Variants in GMCL1 observed in about 807,000 individuals in gnomAD.
The protein encoded by GMCL1 is germ cell-less 1, spermatogenesis associated.
GMCL1 carries 54 observed loss-of-function variants against 75.5 expected under a neutral mutation model. The observed-to-expected ratio is 0.71, with a 90% CI of 0.57 to 0.90. The LOEUF is 0.90. Among genes scored for constraint, GMCL1 ranks in the 40% least tolerant of loss-of-function variants. The pLI, the probability that GMCL1 is intolerant of heterozygous loss-of-function variation, is 0.00. For synonymous variants in GMCL1, 210 were observed against 209.6 expected (o/e 1.00, Z -0.02); for missense variants, 537 against 622.7 (o/e 0.86, Z 1.47).
At chr2:69,833,127 C>A (rs1485405892) in intron 1 of GMCL1, among the ~76,000 whole-genome samples, 2 of 152,060 alleles carry the variant, frequency 1.3e-5, no homozygotes. Context: ...GCCTTTTGGC[C>A]CAGAAGGCTA....
At chr2:69,867,839 T>C (rs1196613160) in intron 11 of GMCL1, among the ~76,000 whole-genome samples, 1 of 152,170 alleles carries the variant, frequency 6.6e-6, no homozygotes, top group African/African-American at 2.4e-5. Context: ...ATTTTCCTAG[T>C]GAATTGATCC....
At chr2:69,853,559 GT>G (rs775507015) in intron 8 of GMCL1, among the ~76,000 whole-genome samples, 1 of 152,118 alleles carries the variant, frequency 6.6e-6, no homozygotes, top group Non-Finnish European at 1.5e-5. Context: ...CAACTGTCAT[GT>G]TTTTCTCCTT....
intron 1 of GMCL1, 109 bp downstream of exon 1, chr2:69,830,261 AG>A: frequency 7.3e-7 from 1 of 1,366,066 alleles, no homozygotes. Context: ...GCCTATGGAG[AG>A]GGGACGTGCC....
At position 69,843,212 on chromosome 2, in the gene GMCL1, G is replaced by A. The variant is rs1379788352; in HGVS notation, c.643G>A (p.Gly215Ser). 1 of 1,611,402 alleles carries A rather than the reference G, an allele frequency of 6.2e-7. No homozygotes were observed. The highest frequency in any genetic ancestry group is 8.5e-7 in the Non-Finnish European group (1 of 1,177,912). Residue 215 changes from glycine to serine, a missense_variant, in exon 5 of 14, where the codon GGC becomes AGC. By Grantham distance (56) the Gly-to-Ser change is moderately conservative (BLOSUM62 0). Transcript: ENST00000282570. ...AACAGTTAATGTGAAAACTGTATGTGGCTATTACACATCAGCAGGGACCTA... is the reference window on the plus strand; with the variant it reads ...AACAGTTAATGTGAAAACTGTATGTAGCTATTACACATCAGCAGGGACCTA... ...KETVNVKTVC[G>S]YYTSAGTYGL...
chr2:69,857,399 C>G (rs1675506392), intron 9 of GMCL1, among the ~76,000 whole-genome samples: 1 of 152,224 alleles, frequency 6.6e-6, no homozygotes, highest in Non-Finnish European at 1.5e-5. Context: ...CATTTCAACA[C>G]TAAGCTTGAA....
chr2:69,871,022 A>G (rs1675966718), intron 12 of GMCL1, among the ~76,000 whole-genome samples: 1 of 152,220 alleles, frequency 6.6e-6, no homozygotes, highest in Admixed American at 6.5e-5. Context: ...TTTCTCTTCT[A>G]TAGACCAGAA....
chr2:69,869,984 G>C, intron 12 of GMCL1, 120 bp downstream of exon 12: 1 of 938,166 alleles, frequency 1.1e-6, no homozygotes, highest in Non-Finnish European at 1.5e-6. Context: ...ATGTGGAAGT[G>C]GTAGGAAATG....
chr2:69,875,162 T>C (rs1676094391), intron 13 of GMCL1, among the ~76,000 whole-genome samples: 1 of 152,206 alleles, frequency 6.6e-6, no homozygotes, highest in African/African-American at 2.4e-5. Context: ...ATTATATAAA[T>C]AGTCATCTAT....
intron 1 of GMCL1, among the ~76,000 whole-genome samples, chr2:69,832,422 T>G (rs1674700724): frequency 6.6e-6 from 1 of 152,208 alleles, no homozygotes; most frequent in Non-Finnish European, 1.5e-5. Flanking sequence ...AACAAAATGT[T>G]CATCCTTCTT....
In GMCL1 at chr2:69,829,853, C is replaced by T. The variant is rs1674616783; in HGVS notation, c.-40C>T. 2.6e-6 allele frequency: 4 copies of T among 1,515,028 alleles called. No homozygotes were observed. Among genetic ancestry groups the T allele is most frequent in the Non-Finnish European group, 3.5e-6 (4 of 1,136,872 alleles). The allele number at this position is 1,515,028 out of a possible 1,614,324, so 93.8% of individuals were successfully genotyped here. ...GCGGCCGAGCCATGGCGGGAGACCC[C>T]CTTCTCTGGGCTCCCTGAAGTCTCG... On this transcript the variant is annotated 5_prime_UTR_variant, in exon 1 of 14. Coordinates refer to ENST00000282570, the MANE Select transcript of GMCL1 (RefSeq NM_178439.5).
At chr2:69,846,693 A>G (rs775418734) in intron 6 of GMCL1, among the ~76,000 whole-genome samples, 4 of 152,124 alleles carry the variant, frequency 2.6e-5, no homozygotes, top group African/African-American at 4.8e-5. Context: ...TGGTGATATC[A>G]TTTTCACTCT....
At chr2:69,853,902 A>G (rs1172635491) in intron 8 of GMCL1, among the ~76,000 whole-genome samples, 1 of 151,970 alleles carries the variant, frequency 6.6e-6, no homozygotes. Flanking sequence ...TCCCGGGTTT[A>G]AGCAATTCTC....
At chr2:69,866,362 C>A (rs1675817781) in intron 11 of GMCL1, among the ~76,000 whole-genome samples, 1 of 151,274 alleles carries the variant, frequency 6.6e-6, no homozygotes, top group Admixed American at 6.6e-5. Context: ...TTTTGTTTTT[C>A]AAAAAAAATC....
At chr2:69,830,848 CACAA>C (rs1349501154) in intron 1 of GMCL1, among the ~76,000 whole-genome samples, 1 of 150,750 alleles carries the variant, frequency 6.6e-6, no homozygotes, top group East Asian at 2.0e-4. Context: ...TATATGCTTA[CACAA>C]ACAATTTGGT....
Position 69,837,590 on chromosome 2 carries a change from T to G in GMCL1, c.304T>G (p.Phe102Val). Residue 102 changes from phenylalanine (F) to valine (V), a missense_variant, in exon 2 of 14, where the codon TTT becomes GTT. This residue lies in a region of GMCL1 where 48 missense variants were observed against 85.0 expected (regional missense o/e 0.56). Transcript: ENST00000282570. ...ATCTAAATATATTTATCAAACATTA[T>G]TTTTGAATGGTGAAAACAGTGACAT... is the stretch of plus-strand genomic sequence containing the variant. ...STSKYIYQTL[F>V]LNGENSDIKI... The G allele has an allele frequency of 6.2e-7, 1 of 1,601,356 alleles. No individual in the cohort carries two copies. Among genetic ancestry groups the G allele is most frequent in the Non-Finnish European group, 8.5e-7 (1 of 1,174,860 alleles).
intron 6 of GMCL1, 169 bp downstream of exon 6, chr2:69,844,365 A>G: frequency 2.2e-6 from 1 of 456,560 alleles, no homozygotes; most frequent in Non-Finnish European, 4.0e-6. Flanking sequence ...GTGCAAACTT[A>G]TTTCTTTGTT....
At chr2:69,844,604 G>C (rs1675082153) in intron 6 of GMCL1, 1 of 147,558 alleles carries the variant, frequency 6.8e-6, no homozygotes, top group Non-Finnish European at 1.5e-5. Context: ...TTCTCACTAG[G>C]ATGAATTCTC....
intron 9 of GMCL1, among the ~76,000 whole-genome samples, chr2:69,857,107 C>G (rs1025629544): frequency 6.6e-6 from 1 of 152,184 alleles, no homozygotes; most frequent in Non-Finnish European, 1.5e-5. Context: ...CTAGCATGTT[C>G]ATAGCCTCAT....
intron 6 of GMCL1, 44 bp downstream of exon 6, chr2:69,844,240 A>G: frequency 9.4e-7 from 1 of 1,058,696 alleles, no homozygotes; most frequent in Non-Finnish European, 1.4e-6. Flanking sequence ...ATCCTAAAAT[A>G]TTGTTTATCA....
Sources: gnomAD v4.1 joint callset for allele counts (sites outside exome capture counted in the v4.1 genomes callset) on GRCh38, gnomAD v4.1.1 for gene constraint, gnomAD v4.1.1 regional missense constraint, MANE v1.5 for transcripts, NCBI Gene and HGNC (gene_info 2026-07-23, HGNC 2026-07-21) for gene names.